IL1RN: variants seen among roughly 807,000 people sequenced by gnomAD.
The protein encoded by IL1RN is interleukin 1 receptor antagonist.
In IL1RN, 10 loss-of-function variants were observed where a neutral mutation model predicts 13.7. That is an observed-to-expected ratio of 0.73 (90% confidence interval 0.45 to 1.24). The LOEUF is 1.24. Ranked by LOEUF, IL1RN falls within the 50% of genes most tolerant of loss-of-function variation. The pLI is 0.00. For synonymous variants in IL1RN, 102 were observed against 82.7 expected (o/e 1.23, Z -1.27); for missense variants, 213 against 222.1 (o/e 0.96, Z 0.26).
At chr2:113,125,228 A>G (rs1395202776), upstream of IL1RN, among the ~76,000 whole-genome samples, 1 of 152,262 alleles carries the variant, frequency 6.6e-6, no homozygotes, top group East Asian at 1.9e-4. Context: ...ACACTTGATT[A>G]TTAGCAAATA....
At chr2:113,102,155 G>A in the IL1RN span, among the ~76,000 whole-genome samples, 1 of 152,160 alleles carries the variant, frequency 6.6e-6, no homozygotes, top group African/African-American at 2.4e-5. Context: ...CCAACAGGAA[G>A]AATGTATTTG....
upstream of IL1RN, among the ~76,000 whole-genome samples, chr2:113,124,555 A>G (rs1022576380): frequency 2.6e-5 from 4 of 152,060 alleles, no homozygotes; most frequent in Admixed American, 1.3e-4. Context: ...TGGGGCATTC[A>G]TTGTGCCTGA....
intron 3 of IL1RN, among the ~76,000 whole-genome samples, 157 bp from the exon 4 acceptor site, chr2:113,132,499 T>C (rs1687208729): frequency 6.6e-6 from 1 of 152,166 alleles, no homozygotes; most frequent in Non-Finnish European, 1.5e-5. Context: ...TCCCACAGAA[T>C]GGCAGACAGG....
intron 3 of IL1RN, 98 bp downstream of exon 3, chr2:113,131,255 TG>T: frequency 1.3e-6 from 1 of 770,170 alleles, no homozygotes; most frequent in South Asian, 1.4e-5. Context: ...CAGGATTAGC[TG>T]GGTAGTTCTG....
chr2:113,131,160 A>G lies in IL1RN; in HGVS notation c.318+3A>G, dbSNP rs201701192. The G allele has an allele frequency of 6.3e-7, 1 of 1,577,140 alleles. No individual in the cohort carries two copies. Among genetic ancestry groups the G allele is most frequent in the South Asian group, 1.1e-5 (1 of 90,358 alleles). On this transcript the variant is annotated splice_donor_region_variant and intron_variant, in intron 3 of 3. Transcript: ENST00000409930. ...ATGAGACCAGACTCCAGCTGGAGGTAAAAACATGCTTTGGATCTCAAATCA... is the reference window on the plus strand; with the variant it reads ...ATGAGACCAGACTCCAGCTGGAGGTGAAAACATGCTTTGGATCTCAAATCA...
upstream of IL1RN, among the ~76,000 whole-genome samples, chr2:113,115,872 G>A (rs897988441): frequency 6.6e-6 from 1 of 152,192 alleles, no homozygotes; most frequent in Non-Finnish European, 1.5e-5. Context: ...GGAATGCCCA[G>A]CCTTGTGTGC....
chr2:113,103,411 G>A (rs775513810), upstream of IL1RN, among the ~76,000 whole-genome samples: 12 of 152,208 alleles, frequency 7.9e-5, no homozygotes, highest in East Asian at 1.9e-4. Flanking sequence ...AAGAACAAGC[G>A]TTCTCAAAAT....
chr2:113,127,419 A>C, upstream of IL1RN: 1 of 1,309,270 alleles, frequency 7.6e-7, no homozygotes, highest in Non-Finnish European at 9.9e-7. Flanking sequence ...AGGGGAGGGA[A>C]TCAGTTACAA....
upstream of IL1RN, among the ~76,000 whole-genome samples, chr2:113,105,940 C>T (rs1686379724): frequency 6.6e-6 from 1 of 152,170 alleles, no homozygotes; most frequent in African/African-American, 2.4e-5. Flanking sequence ...ACTCAATCAC[C>T]TTCTGGAAGA....
upstream of IL1RN, chr2:113,113,197 A>G (rs1284784398): frequency 6.6e-6 from 1 of 152,252 alleles, no homozygotes; most frequent in African/African-American, 2.4e-5. Flanking sequence ...ATGAATGGAT[A>G]AAGAAATTGT....
chr2:113,102,853 G>A (rs1186185801), upstream of IL1RN, among the ~76,000 whole-genome samples: 1 of 152,188 alleles, frequency 6.6e-6, no homozygotes, highest in African/African-American at 2.4e-5. Flanking sequence ...GCAGGAACTG[G>A]CCATTTTCAC....
At position 113,127,605 on chromosome 2, in the gene IL1RN, T is replaced by G. The variant is rs569970122; in HGVS notation, c.-20T>G. 1 of 1,613,444 alleles carries G rather than the reference T, an allele frequency of 6.2e-7. No homozygotes were observed. The highest frequency in any genetic ancestry group is 2.2e-5 in the East Asian group (1 of 44,868). On this transcript the variant is annotated 5_prime_UTR_variant, in exon 1 of 4. Transcript: ENST00000409930. ...CTCTGGGCCCGCAATGGCAGTCCAC[T>G]GCCTTGCTGCAGTCACAGAATGGAA...
At chr2:113,131,482 A>T (rs1401768126) in intron 3 of IL1RN, among the ~76,000 whole-genome samples, 1 of 152,106 alleles carries the variant, frequency 6.6e-6, no homozygotes, top group Admixed American at 6.5e-5. Flanking sequence ...GGCGCTTATT[A>T]TGACTTCTGC....
upstream of IL1RN, among the ~76,000 whole-genome samples, chr2:113,105,139 C>T (rs59439797): frequency 0.026 from 3,945 of 152,138 alleles, 157 homozygotes; most frequent in African/African-American, 0.091. Context: ...TGGCTAGAAG[C>T]GCATTGTGGG....
intron 1 of IL1RN, among the ~76,000 whole-genome samples, chr2:113,128,760 A>G (rs935625265): frequency 6.5e-4 from 99 of 152,282 alleles, no homozygotes; most frequent in African/African-American, 2.4e-3. Context: ...AGTTAGCCAC[A>G]CTTCACAGGT....
At chr2:113,126,799 C>T (rs976883146), upstream of IL1RN, among the ~76,000 whole-genome samples, 10 of 152,082 alleles carry the variant, frequency 6.6e-5, no homozygotes, top group Admixed American at 2.0e-4. Context: ...CAAGGTCACA[C>T]GGGTGGCACA....
At chr2:113,112,598 T>C (rs1477274185) in intron 1 of IL1RN, among the ~76,000 whole-genome samples, 4 of 152,176 alleles carry the variant, frequency 2.6e-5, no homozygotes, top group Non-Finnish European at 4.4e-5. Context: ...TATAATTGCC[T>C]GAATTCCCCG....
intron 2 of IL1RN, chr2:113,121,517 A>G (rs1406825026): frequency 1.0e-6 from 1 of 985,306 alleles, no homozygotes; most frequent in Non-Finnish European, 1.2e-6. Context: ...AACACAAGAT[A>G]ACTGCATAAG....
chr2:113,127,955 G>A, intron 1 of IL1RN, among the ~76,000 whole-genome samples: 1 of 152,366 alleles, frequency 6.6e-6, no homozygotes, highest in East Asian at 1.9e-4. Flanking sequence ...CCGGAGGGCT[G>A]TCTTACTTTC....
Sources: gnomAD v4.1 joint callset for allele counts (sites outside exome capture counted in the v4.1 genomes callset) on GRCh38, gnomAD v4.1.1 for gene constraint, MANE v1.5 for transcripts, NCBI Gene and HGNC (gene_info 2026-07-23, HGNC 2026-07-21) for gene names.